GREB1L: variants seen among roughly 807,000 people sequenced by gnomAD.
The protein encoded by GREB1L is GREB1-like protein.
A neutral mutation model predicts 200.8 loss-of-function variants in GREB1L; 17 were observed. The observed-to-expected ratio is 0.08, with a 90% CI of 0.06 to 0.13. GREB1L has a LOEUF of 0.13. Among genes scored for constraint, GREB1L ranks in the 10% least tolerant of loss-of-function variants. The probability of loss-of-function intolerance (pLI) is 1.00; values close to 1 mark genes in which losing one functional copy is unlikely to be tolerated. For missense variants in GREB1L, 1,657 were observed against 2,367.7 expected (o/e 0.70, Z 6.23); for synonymous variants, 789 against 893.0 (o/e 0.88, Z 2.08).
At chr18:21,308,337 C>T (rs1430849687) in intron 1 of GREB1L, among the ~76,000 whole-genome samples, 1 of 152,260 alleles carries the variant, frequency 6.6e-6, no homozygotes, top group South Asian at 2.1e-4. Flanking sequence ...CTATTTGGTC[C>T]CTGCCATTAT....
intron 1 of GREB1L, among the ~76,000 whole-genome samples, chr18:21,318,899 G>A (rs2038911751): frequency 6.6e-6 from 1 of 152,188 alleles, no homozygotes; most frequent in Admixed American, 6.5e-5. Flanking sequence ...ACTGGTGTGA[G>A]TGAACAGTAG....
At chr18:21,454,240 A>G (rs77938618) in intron 14 of GREB1L, 126 bp from the exon 15 acceptor site, 9,068 of 655,176 alleles carry the variant, frequency 0.014, 123 homozygotes, top group Middle Eastern at 0.026. Flanking sequence ...TGCAAATAGC[A>G]GGTGAGAATT....
At chr18:21,325,503 T>A (rs1246319935) in intron 1 of GREB1L, among the ~76,000 whole-genome samples, 2 of 152,084 alleles carry the variant, frequency 1.3e-5, no homozygotes, top group South Asian at 2.1e-4. Flanking sequence ...ATATTTTTTT[T>A]ATGTCATTTA....
intron 7 of GREB1L, among the ~76,000 whole-genome samples, chr18:21,426,967 A>AC (rs1377473684): frequency 9.7e-6 from 1 of 103,518 alleles, no homozygotes; most frequent in African/African-American, 1.0e-4. Context: ...TCAAAAAAAA[A>AC]AAAAACAAAA....
intron 1 of GREB1L, among the ~76,000 whole-genome samples, chr18:21,316,280 C>T (rs1160664629): frequency 2.0e-5 from 3 of 152,064 alleles, no homozygotes; most frequent in East Asian, 3.9e-4. Context: ...GGCTGGAGTA[C>T]GTTGGCATTA....
At chr18:21,498,994 AAC>A (rs1354274484) in intron 21 of GREB1L, among the ~76,000 whole-genome samples, 1 of 152,198 alleles carries the variant, frequency 6.6e-6, no homozygotes, top group African/African-American at 2.4e-5. Context: ...TAGGAGGACA[AAC>A]ACACTTGAAA....
intron 17 of GREB1L, among the ~76,000 whole-genome samples, chr18:21,477,596 C>T (rs948075363): frequency 6.6e-6 from 1 of 152,104 alleles, no homozygotes; most frequent in Non-Finnish European, 1.5e-5. Context: ...ACCATCCTGG[C>T]TAACACGGTG....
At position 21,494,587 on chromosome 18, in the gene GREB1L, C is replaced by T. The variant is rs552090736; in HGVS notation, c.3031-1083C>T. 6.6e-5 allele frequency among the ~76,000 whole-genome samples: 10 copies of T among 152,034 alleles called. No homozygotes were observed. The East Asian group carries it at 1.9e-3, about 29-fold the overall frequency. On this transcript the variant is annotated intron_variant, in intron 19 of 32. Coordinates refer to ENST00000424526, the MANE Select transcript of GREB1L (RefSeq NM_001142966.3). ...GTAGCTCACACCTGTCCACGGCACT[C>T]CAGCCTGGGCAACAGAGCAAGACTC...
chr18:21,291,748 T>G (rs2038453895), intron 1 of GREB1L, among the ~76,000 whole-genome samples: 1 of 152,160 alleles, frequency 6.6e-6, no homozygotes, highest in Admixed American at 6.5e-5. Flanking sequence ...CATTGGGGAC[T>G]AAAACCTTAA....
Position 21,403,853 on chromosome 18 carries a change from G to A in GREB1L, c.710-19G>A. On this transcript the variant is annotated intron_variant, in intron 6 of 32. Transcript: ENST00000424526. The stretch of plus-strand genomic sequence containing the variant: ...GAACATTGGTCACTTCATACAATGT[G>A]ATTTTTACTCTTTTCCAGAATGTAG... The A allele has an allele frequency of 5.8e-6, 9 of 1,548,766 alleles. No homozygotes were observed. Among genetic ancestry groups the A allele is most frequent in the Non-Finnish European group, 7.9e-6 (9 of 1,144,740 alleles).
intron 19 of GREB1L, among the ~76,000 whole-genome samples, chr18:21,493,865 C>A (rs1482958353): frequency 8.0e-4 from 31 of 38,510 alleles, no homozygotes; most frequent in South Asian, 3.6e-3. Flanking sequence ...GACCCTGTCT[C>A]AAAAAAAAAA....
At chr18:21,496,802 A>T in intron 21 of GREB1L, 104 bp downstream of exon 21, 1 of 1,294,930 alleles carries the variant, frequency 7.7e-7, no homozygotes, top group Non-Finnish European at 1.0e-6. Flanking sequence ...CGGCCTTCAG[A>T]GGAGCCTTCA....
Position 21,256,757 on chromosome 18 carries a change from G to A in GREB1L, c.-120+14364G>A, listed in dbSNP as rs561969349. 1.7e-4 allele frequency among the ~76,000 whole-genome samples: 26 copies of A among 152,214 alleles called. 1 individual carries two copies. In the South Asian group the frequency reaches 3.3e-3, roughly 19 times the overall value. On this transcript the variant is annotated intron_variant, in intron 1 of 32. Coordinates refer to ENST00000424526, the MANE Select transcript of GREB1L (RefSeq NM_001142966.3). ...ACTCCCAGTCACGCCTGTAATCCCA[G>A]CACTTTGGGAGGCCGAGGCAGGCAG...
chr18:21,336,563 T>C (rs1179959982), intron 1 of GREB1L, among the ~76,000 whole-genome samples: 1 of 152,258 alleles, frequency 6.6e-6, no homozygotes, highest in Admixed American at 6.5e-5. Flanking sequence ...CAGGACCTTA[T>C]GACAGTAATG....
chr18:21,452,184 G>A lies in GREB1L; in HGVS notation c.1951G>A (p.Glu651Lys). 6.4e-7 allele frequency: 1 copy of A among 1,551,758 alleles called. No homozygotes were observed. The highest frequency in any genetic ancestry group is 8.7e-7 in the Non-Finnish European group (1 of 1,146,954). ...GDLNECVSPQ[E>K]AAAMIPTQNL... ...CCTTAATGAATGTGTGTCACCCCAG[G>A]AGGCTGCTGCTATGATTCCCACACA... Residue 651 changes from glutamate (E) to lysine (K), a missense_variant, in exon 14 of 33, where the codon GAG becomes AAG. Coordinates refer to ENST00000424526, the MANE Select transcript of GREB1L (RefSeq NM_001142966.3).
intron 1 of GREB1L, among the ~76,000 whole-genome samples, chr18:21,323,949 C>T (rs2038986972): frequency 2.0e-5 from 3 of 152,114 alleles, no homozygotes; most frequent in African/African-American, 7.2e-5. Flanking sequence ...CGTGTACTCA[C>T]TTACAAGTGG....
chr18:21,376,816 A>AC (rs1422036325), intron 2 of GREB1L, among the ~76,000 whole-genome samples: 1 of 150,462 alleles, frequency 6.6e-6, no homozygotes, highest in African/African-American at 2.4e-5. Context: ...CCGTCTCAAA[A>AC]AAAAAAAAAA....
chr18:21,245,042 T>C (rs2037573343), intron 1 of GREB1L, among the ~76,000 whole-genome samples: 1 of 152,210 alleles, frequency 6.6e-6, no homozygotes, highest in African/African-American at 2.4e-5. Flanking sequence ...TATGTTCTTA[T>C]TAGGAAACTT....
intron 1 of GREB1L, among the ~76,000 whole-genome samples, chr18:21,296,993 A>G (rs2038539846): frequency 6.6e-6 from 1 of 152,026 alleles, no homozygotes; most frequent in East Asian, 1.9e-4. Flanking sequence ...AGGATTTTTG[A>G]GTTTTACACA....
Sources: allele counts gnomAD v4.1 joint callset (sites outside exome capture counted in the v4.1 genomes callset), GRCh38; gene constraint gnomAD v4.1.1; transcripts MANE v1.5; gene names NCBI Gene and HGNC (gene_info 2026-07-23, HGNC 2026-07-21).